TMEM51: variants seen among roughly 807,000 people sequenced by gnomAD.
The protein encoded by TMEM51 is chromosome 1 open reading frame 72.
Under a neutral mutation model 13.6 loss-of-function variants are expected in TMEM51, and 8 were observed. That is an observed-to-expected ratio of 0.59 (90% CI 0.35 to 1.07). The LOEUF (loss-of-function observed/expected upper bound fraction) is 1.07. Among genes scored for constraint, TMEM51 ranks in the 50% least tolerant of loss-of-function variants. The probability of loss-of-function intolerance (pLI) is 0.02; values close to 1 mark genes in which losing one functional copy is unlikely to be tolerated. For missense variants in TMEM51, 279 were observed against 330.7 expected (o/e 0.84, Z 1.21); for synonymous variants, 147 against 144.4 (o/e 1.02, Z -0.13).
intron 3 of TMEM51, among the ~76,000 whole-genome samples, chr1:15,218,837 C>T (rs767413278): frequency 1.1e-4 from 16 of 152,152 alleles, no homozygotes; most frequent in Non-Finnish European, 2.2e-4. Flanking sequence ...GCTTGCCCCT[C>T]AATTTGCATT....
intron 1 of TMEM51, among the ~76,000 whole-genome samples, chr1:15,209,122 T>G (rs763225478): frequency 4.1e-4 from 63 of 152,074 alleles, no homozygotes; most frequent in Non-Finnish European, 6.6e-4. Context: ...CAGGCTATAG[T>G]GCAGTGGCGT....
At chr1:15,190,674 T>C (rs1160607961) in intron 1 of TMEM51, among the ~76,000 whole-genome samples, 2 of 152,066 alleles carry the variant, frequency 1.3e-5, no homozygotes, top group African/African-American at 4.8e-5. Flanking sequence ...CCTTTGCAGG[T>C]GTGATTAAGT....
intron 1 of TMEM51, among the ~76,000 whole-genome samples, chr1:15,204,809 CCTAA>C (rs1236807474): frequency 6.7e-6 from 1 of 149,854 alleles, no homozygotes; most frequent in African/African-American, 2.4e-5. Flanking sequence ...GTGTCAGTGC[CCTAA>C]CTATGTGCTG....
intron 1 of TMEM51, among the ~76,000 whole-genome samples, chr1:15,156,892 C>T (rs565702925): frequency 6.6e-6 from 1 of 152,102 alleles, no homozygotes; most frequent in Admixed American, 6.5e-5. Context: ...TGTTTTGGGC[C>T]CCAGGTTTCT....
chr1:15,216,305 T>A (rs2100362979), intron 3 of TMEM51, among the ~76,000 whole-genome samples: 1 of 152,316 alleles, frequency 6.6e-6, no homozygotes, highest in South Asian at 2.1e-4. Context: ...TAATAGTTGA[T>A]ATCCCTATTA....
chr1:15,209,778 T>A (rs1644308901), intron 1 of TMEM51, among the ~76,000 whole-genome samples: 1 of 152,168 alleles, frequency 6.6e-6, no homozygotes, highest in African/African-American at 2.4e-5. Flanking sequence ...CCTTCTGTAA[T>A]CCCAGCACTT....
intron 1 of TMEM51, among the ~76,000 whole-genome samples, chr1:15,166,650 C>T (rs896611699): frequency 2.0e-5 from 3 of 151,914 alleles, no homozygotes; most frequent in Admixed American, 6.6e-5. Flanking sequence ...ACCCAGGAGG[C>T]GGAGGTTGTA....
At chr1:15,156,262 G>C (rs1168786076) in intron 1 of TMEM51, among the ~76,000 whole-genome samples, 1 of 152,194 alleles carries the variant, frequency 6.6e-6, no homozygotes, top group Non-Finnish European at 1.5e-5. Context: ...GTCTGCGTGA[G>C]GGATGGGAAA....
At chr1:15,189,678 C>T (rs1454570884) in intron 1 of TMEM51, among the ~76,000 whole-genome samples, 4 of 152,202 alleles carry the variant, frequency 2.6e-5, no homozygotes, top group South Asian at 2.1e-4. Context: ...ACTCCCTTCC[C>T]TCCTCTTACA....
chr1:15,203,336 C>A, intron 1 of TMEM51, among the ~76,000 whole-genome samples: 1 of 152,102 alleles, frequency 6.6e-6, no homozygotes, highest in African/African-American at 2.4e-5. Flanking sequence ...TCACTTGCAA[C>A]CTCCGCCTCC....
intron 2 of TMEM51, among the ~76,000 whole-genome samples, chr1:15,212,238 A>C (rs957085623): frequency 6.6e-6 from 1 of 152,238 alleles, no homozygotes; most frequent in African/African-American, 2.4e-5. Context: ...AAAAAATGCC[A>C]TGAAATTGCC....
intron 1 of TMEM51, chr1:15,191,678 G>A (rs10927710): frequency 0.13 from 36,730 of 287,634 alleles, 2,952 homozygotes; most frequent in South Asian, 0.18. Context: ...CTCAGCCTCC[G>A]TGTTCCTAGA....
At chr1:15,205,296 C>T (rs370110754) in intron 1 of TMEM51, among the ~76,000 whole-genome samples, 5 of 152,208 alleles carry the variant, frequency 3.3e-5, no homozygotes, top group South Asian at 2.1e-4. Flanking sequence ...TACAATGCAC[C>T]GACAGCTTGT....
intron 3 of TMEM51, among the ~76,000 whole-genome samples, chr1:15,217,648 T>A (rs938275172): frequency 1.3e-5 from 2 of 152,080 alleles, no homozygotes; most frequent in East Asian, 3.9e-4. Flanking sequence ...AGGGTATAGA[T>A]CCTAGTCTGA....
chr1:15,178,770 C>T (rs1374829658), intron 1 of TMEM51, among the ~76,000 whole-genome samples: 1 of 152,246 alleles, frequency 6.6e-6, no homozygotes, highest in Admixed American at 6.5e-5. Flanking sequence ...TTTACTGCCT[C>T]TGCTAGATCT....
chr1:15,165,423 GA>G (rs1295018616), intron 1 of TMEM51, among the ~76,000 whole-genome samples: 1 of 152,154 alleles, frequency 6.6e-6, no homozygotes, highest in African/African-American at 2.4e-5. Context: ...TTTCACACAG[GA>G]AATCTAAAAT....
chr1:15,219,417 A>G lies in TMEM51; in HGVS notation c.436A>G (p.Arg146Gly), dbSNP rs142072387. 6.2e-7 allele frequency: 1 copy of G among 1,613,800 alleles called. No individual in the cohort carries two copies. Among genetic ancestry groups the G allele is most frequent in the Non-Finnish European group, 8.5e-7 (1 of 1,179,760 alleles). Reference sequence around the variant, plus strand: ...GATGAACACAAACTACTCAGAAGCAAGGGGAGAGGAGCAGAACCCGAGGTT... The same window carrying G: ...GATGAACACAAACTACTCAGAAGCAGGGGGAGAGGAGCAGAACCCGAGGTT... ...EVMNTNYSEA[R>G]GEEQNPRLSI... The change falls in exon 4 of 4, where the codon AGG (arginine) becomes GGG (glycine). Residue 146 changes from arginine (R) to glycine (G), a missense_variant. Physicochemically the swap from Arg to Gly is moderately radical, Grantham distance 125 (BLOSUM62 -2). Transcript: ENST00000376008.
chr1:15,197,706 G>A (rs916343397), intron 1 of TMEM51, among the ~76,000 whole-genome samples: 1 of 152,062 alleles, frequency 6.6e-6, no homozygotes, highest in African/African-American at 2.4e-5. Context: ...CCATTTTACA[G>A]ATGAGGAAAC....
chr1:15,213,199 G>T (rs369561876), intron 2 of TMEM51, among the ~76,000 whole-genome samples: 1 of 152,306 alleles, frequency 6.6e-6, no homozygotes, highest in Non-Finnish European at 1.5e-5. Flanking sequence ...TGCCTAACTC[G>T]CTACTTAGGA....
Sources: allele counts gnomAD v4.1 joint callset (sites outside exome capture counted in the v4.1 genomes callset), GRCh38; gene constraint gnomAD v4.1.1; transcripts MANE v1.5; gene names NCBI Gene and HGNC (gene_info 2026-07-23, HGNC 2026-07-21).